Variants in GABRG2 observed in about 807,000 individuals in gnomAD.
GABRG2 encodes the protein gamma-aminobutyric acid receptor subunit gamma-2.
In GABRG2, 16 loss-of-function variants were observed where a neutral mutation model predicts 56.4. The ratio of observed to expected loss-of-function variants is 0.28; its 90% CI spans 0.19 to 0.43. The LOEUF (loss-of-function observed/expected upper bound fraction) is 0.43, where lower values mean the gene tolerates loss of function less well. Among genes scored for constraint, GABRG2 ranks in the 20% least tolerant of loss-of-function variants. GABRG2 has a pLI of 1.00. For synonymous variants in GABRG2, 208 were observed against 205.5 expected (o/e 1.01, Z -0.10); for missense variants, 327 against 582.7 (o/e 0.56, Z 4.52).
At chr5:162,143,364 G>A (rs1764725609) in intron 7 of GABRG2, among the ~76,000 whole-genome samples, 1 of 151,748 alleles carries the variant, frequency 6.6e-6, no homozygotes, top group Non-Finnish European at 1.5e-5. Flanking sequence ...ATTTTTGGGG[G>A]AAAAGCGACT....
In GABRG2 at chr5:162,082,559, T is replaced by C. The variant is rs115538202; in HGVS notation, c.108-11269T>C. 4.3e-3 allele frequency among the ~76,000 whole-genome samples: 651 copies of C among 151,836 alleles called. 7 individuals are homozygous for C. Among genetic ancestry groups the C allele is most frequent in the African/African-American group, 0.015 (624 of 41,526 alleles). On this transcript the variant is annotated intron_variant, in intron 1 of 9. Transcript: ENST00000639213. The stretch of plus-strand genomic sequence containing the variant: ...TTTTGGACTTTCCAAAATGGGTTCA[T>C]GAAGAACTAATTTGTTCACTCTCAA...
chr5:162,106,962 C>T (rs1761880314), intron 6 of GABRG2, among the ~76,000 whole-genome samples: 1 of 152,010 alleles, frequency 6.6e-6, no homozygotes, highest in African/African-American at 2.4e-5. Flanking sequence ...AGGTATTGAG[C>T]CAAGTACCTC....
intron 6 of GABRG2, among the ~76,000 whole-genome samples, chr5:162,114,846 T>C (rs1200650063): frequency 6.6e-6 from 1 of 152,214 alleles, no homozygotes; most frequent in Non-Finnish European, 1.5e-5. Flanking sequence ...GTTCTATATA[T>C]GGACATCTGT....
intron 6 of GABRG2, among the ~76,000 whole-genome samples, chr5:162,141,070 T>G (rs1764527029): frequency 1.3e-5 from 2 of 152,194 alleles, no homozygotes; most frequent in Non-Finnish European, 2.9e-5. Flanking sequence ...GGAGTCTCAC[T>G]GTGTTGCCCA....
chr5:162,109,547 C>T (rs933506859), intron 6 of GABRG2, among the ~76,000 whole-genome samples: 2 of 151,402 alleles, frequency 1.3e-5, no homozygotes, highest in African/African-American at 4.9e-5. Context: ...TTTTAATCAT[C>T]TCTAAGCCAG....
At chr5:162,127,456 G>T (rs1043898327) in intron 6 of GABRG2, among the ~76,000 whole-genome samples, 1 of 151,700 alleles carries the variant, frequency 6.6e-6, no homozygotes, top group Non-Finnish European at 1.5e-5. Flanking sequence ...ATAAAATTTG[G>T]GGTATCTATA....
intron 6 of GABRG2, among the ~76,000 whole-genome samples, chr5:162,121,795 G>T (rs1287606892): frequency 6.6e-6 from 1 of 152,022 alleles, no homozygotes; most frequent in Non-Finnish European, 1.5e-5. Flanking sequence ...AATGAATCTT[G>T]CAAATAGGGA....
intron 5 of GABRG2, 122 bp downstream of exon 5, chr5:162,101,439 C>T (rs1264581798): frequency 6.6e-6 from 5 of 762,892 alleles, no homozygotes; most frequent in African/African-American, 3.4e-5. Context: ...TTACTGACTT[C>T]GATGATTTTG....
chr5:162,067,482 ATAGT>A (rs1161153876), upstream of GABRG2: 3 of 419,664 alleles, frequency 7.1e-6, no homozygotes, highest in South Asian at 9.5e-5. Flanking sequence ...CTTTGACCTC[ATAGT>A]TAATCTGCGT....
At chr5:162,086,773 A>G (rs188023122) in intron 1 of GABRG2, among the ~76,000 whole-genome samples, 12 of 152,150 alleles carry the variant, frequency 7.9e-5, no homozygotes, top group Non-Finnish European at 1.5e-4. Flanking sequence ...TGCATGTAGC[A>G]ATATTTCACA....
chr5:162,153,415 G>A lies in GABRG2; in HGVS notation c.*47G>A, dbSNP rs765639964. 6.3e-7 allele frequency: 1 copy of A among 1,593,352 alleles called. No homozygotes were observed. The highest frequency in any genetic ancestry group is 1.7e-5 in the Admixed American group (1 of 59,948). On this transcript the variant is annotated 3_prime_UTR_variant, in exon 10 of 10. Transcript: ENST00000639213. Reference sequence around the variant, plus strand: ...ATGGTTCTTATTCACTGAGTCTCATGGAGAGATGTCTGTTCTAAGTCCACT... The same window carrying A: ...ATGGTTCTTATTCACTGAGTCTCATAGAGAGATGTCTGTTCTAAGTCCACT...
intron 6 of GABRG2, among the ~76,000 whole-genome samples, chr5:162,109,816 TTCTTCTC>T (rs1762131711): frequency 6.6e-6 from 1 of 152,104 alleles, no homozygotes; most frequent in Admixed American, 6.6e-5. Context: ...TGACTCTTTT[TTCTTCTC>T]TGTTGTCATC....
chr5:162,091,673 G>A (rs1371295929), intron 1 of GABRG2, among the ~76,000 whole-genome samples: 1 of 152,058 alleles, frequency 6.6e-6, no homozygotes, highest in African/African-American at 2.4e-5. Context: ...TGAGGGAATT[G>A]TTGGAGCAAT....
intron 1 of GABRG2, among the ~76,000 whole-genome samples, chr5:162,090,891 T>C (rs904676128): frequency 3.9e-5 from 6 of 152,156 alleles, no homozygotes; most frequent in Non-Finnish European, 5.9e-5. Flanking sequence ...TACAGTTCCA[T>C]AGAATGTTTC....
intron 3 of GABRG2, 63 bp downstream of exon 3, chr5:162,095,625 C>G (rs2113309935): frequency 8.3e-7 from 1 of 1,209,668 alleles, no homozygotes; most frequent in East Asian, 2.4e-5. Context: ...AATGTGATGT[C>G]ATGGAAATAG....
At position 162,084,487 on chromosome 5, in the gene GABRG2, C is replaced by T. The variant is rs77051518; in HGVS notation, c.108-9341C>T. 2.3e-3 allele frequency among the ~76,000 whole-genome samples: 357 copies of T among 151,954 alleles called. 5 individuals are homozygous for T. Among genetic ancestry groups the T allele is most frequent in the African/African-American group, 8.2e-3 (339 of 41,530 alleles). On this transcript the variant is annotated intron_variant, in intron 1 of 9. Transcript: ENST00000639213. ...TCTATCATACTCTCTTGCAGTAGCTCTTAATTACGGCTGCACCTTAGAATT... is the reference window on the plus strand; with the variant it reads ...TCTATCATACTCTCTTGCAGTAGCTTTTAATTACGGCTGCACCTTAGAATT...
chr5:162,082,205 A>T (rs1759721901), intron 1 of GABRG2, among the ~76,000 whole-genome samples: 1 of 151,840 alleles, frequency 6.6e-6, no homozygotes, highest in Admixed American at 6.6e-5. Flanking sequence ...CATGGATTCT[A>T]TAAGAGCCTA....
chr5:162,152,350 T>G, intron 9 of GABRG2: 1 of 346,190 alleles, frequency 2.9e-6, no homozygotes, highest in Non-Finnish European at 5.8e-6. Context: ...GAATTTCTGT[T>G]TAGATTATGC....
chr5:162,125,363 G>A (rs886225589), intron 6 of GABRG2, among the ~76,000 whole-genome samples: 5 of 151,348 alleles, frequency 3.3e-5, no homozygotes, highest in East Asian at 3.9e-4. Flanking sequence ...TTTAATATAC[G>A]TTTTAAAATT....
Sources: allele counts gnomAD v4.1 joint callset (sites outside exome capture counted in the v4.1 genomes callset), GRCh38; gene constraint gnomAD v4.1.1; transcripts MANE v1.5; gene names NCBI Gene and HGNC (gene_info 2026-07-23, HGNC 2026-07-21).